GPC5: variants seen among roughly 807,000 people sequenced by gnomAD.
GPC5 encodes the protein glypican 5.
Under a neutral mutation model 53.9 loss-of-function variants are expected in GPC5, and 47 were observed. The ratio of observed to expected loss-of-function variants is 0.87; its 90% CI spans 0.69 to 1.11. The LOEUF (loss-of-function observed/expected upper bound fraction) is 1.11. Among genes scored for constraint, GPC5 ranks in the 50% most tolerant of loss-of-function variants. The pLI, the probability that GPC5 is intolerant of heterozygous loss-of-function variation, is 0.00. For missense variants in GPC5, 748 were observed against 713.1 expected, an observed-to-expected ratio of 1.05 and a Z score of -0.56; for synonymous variants, 286 against 263.3, an observed-to-expected ratio of 1.09 and a Z score of -0.84.
chr13:92,021,688 T>C (rs2040759895), intron 6 of GPC5, among the ~76,000 whole-genome samples: 1 of 152,210 alleles, frequency 6.6e-6, no homozygotes, highest in African/African-American at 2.4e-5. Flanking sequence ...TCAGTTATAA[T>C]TCTACTTCTG....
intron 7 of GPC5, among the ~76,000 whole-genome samples, chr13:92,276,535 A>G (rs1380327371): frequency 6.6e-6 from 1 of 152,134 alleles, no homozygotes; most frequent in Non-Finnish European, 1.5e-5. Flanking sequence ...AAAATAATTC[A>G]GGATTAAGGT....
chr13:92,404,299 A>G (rs1057474877), intron 7 of GPC5, among the ~76,000 whole-genome samples: 2 of 152,184 alleles, frequency 1.3e-5, no homozygotes, highest in African/African-American at 2.4e-5. Flanking sequence ...TGCTGAGAGC[A>G]TGGACATTGT....
chr13:91,628,547 A>G (rs1325910658), intron 2 of GPC5, among the ~76,000 whole-genome samples: 2 of 151,938 alleles, frequency 1.3e-5, no homozygotes, highest in South Asian at 2.1e-4. Context: ...TATCAGTTGA[A>G]GTAAAATAAT....
intron 6 of GPC5, among the ~76,000 whole-genome samples, chr13:92,112,652 G>C (rs543259731): frequency 6.6e-6 from 1 of 152,158 alleles, no homozygotes; most frequent in East Asian, 1.9e-4. Flanking sequence ...GAAACATGGA[G>C]GAAAAATTGG....
intron 5 of GPC5, among the ~76,000 whole-genome samples, chr13:91,770,804 G>T (rs2037611197): frequency 6.6e-6 from 1 of 150,894 alleles, no homozygotes; most frequent in African/African-American, 2.4e-5. Flanking sequence ...CTTTATGAAG[G>T]GTAAATGTGA....
intron 5 of GPC5, among the ~76,000 whole-genome samples, chr13:91,803,144 C>G (rs1436793876): frequency 1.3e-5 from 2 of 152,084 alleles, no homozygotes; most frequent in African/African-American, 4.8e-5. Context: ...TTGTCATTAA[C>G]TAAATGATTA....
intron 2 of GPC5, among the ~76,000 whole-genome samples, chr13:91,636,478 A>C (rs2034289107): frequency 6.6e-6 from 1 of 152,080 alleles, no homozygotes; most frequent in East Asian, 1.9e-4. Context: ...TTTAAAACAA[A>C]ATCAAATTGC....
Position 91,981,838 on chromosome 13 carries a change from C to T in GPC5, c.1401+73781C>T, listed in dbSNP as rs535402545. ...ATATTATGGACTGTTTTTTTATGTT[C>T]CATGAATTGTGCCAGATGCTGAAAA... is the stretch of plus-strand genomic sequence containing the variant. On this transcript the variant is annotated intron_variant, in intron 6 of 7. Coordinates refer to ENST00000377067, the MANE Select transcript of GPC5 (RefSeq NM_004466.6). 1.3e-4 allele frequency among the ~76,000 whole-genome samples: 19 copies of T among 151,920 alleles called. No homozygotes were observed. The South Asian group carries it at 2.9e-3, about 23-fold the overall frequency.
At chr13:91,553,566 GC>G (rs1418124798) in intron 2 of GPC5, among the ~76,000 whole-genome samples, 1 of 152,020 alleles carries the variant, frequency 6.6e-6, no homozygotes, top group Admixed American at 6.6e-5. Context: ...GAAGTTTTCT[GC>G]TACGGCATTA....
chr13:91,473,290 G>T (rs1266696822), intron 2 of GPC5, among the ~76,000 whole-genome samples: 1 of 151,970 alleles, frequency 6.6e-6, no homozygotes, highest in East Asian at 1.9e-4. Flanking sequence ...TTTGGGTGGG[G>T]ACACAGCCAA....
At chr13:92,838,856 T>A (rs1198918983) in intron 7 of GPC5, among the ~76,000 whole-genome samples, 1 of 152,200 alleles carries the variant, frequency 6.6e-6, no homozygotes, top group Non-Finnish European at 1.5e-5. Flanking sequence ...AAATTTCCTA[T>A]GAAAACAAGT....
chr13:92,701,931 A>G (rs367780996), intron 7 of GPC5, among the ~76,000 whole-genome samples: 50 of 152,260 alleles, frequency 3.3e-4, no homozygotes, highest in South Asian at 2.3e-3. Flanking sequence ...CCTCACATGC[A>G]TTTTAAATGT....
At chr13:92,305,920 T>A (rs1258589487) in intron 7 of GPC5, among the ~76,000 whole-genome samples, 1 of 152,086 alleles carries the variant, frequency 6.6e-6, no homozygotes, top group Non-Finnish European at 1.5e-5. Context: ...GTAACTAGGA[T>A]AGTAGATTGC....
intron 7 of GPC5, among the ~76,000 whole-genome samples, chr13:92,673,123 GCATGA>G (rs1424981168): frequency 3.3e-5 from 5 of 151,676 alleles, no homozygotes; most frequent in African/African-American, 1.2e-4. Flanking sequence ...AATTTTTTAT[GCATGA>G]CATAATATGT....
At chr13:91,723,163 T>C (rs896278649) in intron 3 of GPC5, among the ~76,000 whole-genome samples, 1 of 152,124 alleles carries the variant, frequency 6.6e-6, no homozygotes, top group South Asian at 2.1e-4. Context: ...TCACTTATTT[T>C]TATTTATTTT....
chr13:91,540,593 A>G lies in GPC5; in HGVS notation c.325+91671A>G, dbSNP rs926829943. Among the ~76,000 whole-genome samples the G allele has an allele frequency of 3.3e-5, 5 of 152,218 alleles. No homozygotes were observed. The East Asian group carries it at 5.8e-4, about 18-fold the overall frequency. On this transcript the variant is annotated intron_variant, in intron 2 of 7. Transcript: ENST00000377067. ...AAAGCCTTTGGATTGCACAATTGAA[A>G]TGGGTGAATTGTATGGCATGTGAAT...
intron 2 of GPC5, among the ~76,000 whole-genome samples, chr13:91,471,020 TA>T (rs988575054): frequency 6.6e-6 from 1 of 151,844 alleles, no homozygotes; most frequent in Non-Finnish European, 1.5e-5. Context: ...GACCTTATGT[TA>T]AAAAAAACAA....
chr13:92,372,959 A>G (rs907820004), intron 7 of GPC5, among the ~76,000 whole-genome samples: 8 of 152,216 alleles, frequency 5.3e-5, no homozygotes, highest in Admixed American at 2.6e-4. Flanking sequence ...TTTGTAGATA[A>G]TATCTGATAT....
rs763165391 is a variant in GPC5, at chr13:91,728,592, G to A, written c.1081G>A (p.Asp361Asn). The A allele has an allele frequency of 6.2e-7, 1 of 1,613,328 alleles. No individual in the cohort carries two copies. Among genetic ancestry groups the A allele is most frequent in the Admixed American group, 1.7e-5 (1 of 59,960 alleles). ...TPTQSPRCSFDQSKEKHGMKT... is the reference protein window; with the variant it reads ...TPTQSPRCSFNQSKEKHGMKT... ...CACACAAAGCCCCCGTTGTTCTTTT[G>A]ATCAGAGCAAAGAGAAGCATGGAAT... The change falls in exon 4 of 8, where the codon GAT becomes AAT. Residue 361 changes from aspartate to asparagine, a missense_variant. Transcript: ENST00000377067.
Sources: allele counts gnomAD v4.1 joint callset (sites outside exome capture counted in the v4.1 genomes callset), GRCh38; gene constraint gnomAD v4.1.1; transcripts MANE v1.5; gene names NCBI Gene and HGNC (gene_info 2026-07-23, HGNC 2026-07-21).